The following CATSPERE variants were observed in gnomAD, a reference collection of about 807,000 sequenced individuals.
The protein encoded by CATSPERE is catsper channel auxiliary subunit epsilon.
CATSPERE carries 93 observed loss-of-function variants against 114.1 expected under a neutral mutation model. That is an observed-to-expected ratio of 0.81 (90% CI 0.69 to 0.97). The LOEUF is 0.97. Ranked by LOEUF, CATSPERE falls within the 50% of genes least tolerant of loss-of-function variation. The probability of loss-of-function intolerance (pLI) is 0.00; values close to 1 mark genes in which losing one functional copy is unlikely to be tolerated. For synonymous variants in CATSPERE, 341 were observed against 384.1 expected, an observed-to-expected ratio of 0.89 and a Z score of 1.31; for missense variants, 1,058 against 1,131.6, an observed-to-expected ratio of 0.93 and a Z score of 0.93.
Position 244,560,819 on chromosome 1 carries a change from T to C in CATSPERE, c.1181T>C (p.Val394Ala), listed in dbSNP as rs759408984. Reference sequence around the variant, plus strand: ...ACTGCTACTCTGACCATAGACAGGGTTGAGTATACAGGACACCCTCTGGAG... The same window carrying C: ...ACTGCTACTCTGACCATAGACAGGGCTGAGTATACAGGACACCCTCTGGAG... ...SVTATLTIDR[V>A]EYTGHPLEIA... Residue 394 changes from valine (V) to alanine (A), a missense_variant, in exon 10 of 22, where the codon GTT (valine) becomes GCT (alanine). This residue lies in a region of CATSPERE where 787 missense variants were observed against 905.6 expected (regional missense o/e 0.87). Coordinates refer to ENST00000366534, the MANE Select transcript of CATSPERE (RefSeq NM_001130957.2). 49 of 1,613,914 alleles carry C rather than the reference T, an allele frequency of 3.0e-5. 1 individual carries two copies. In the Admixed American group the frequency reaches 4.2e-4, roughly 14 times the overall value.
intron 17 of CATSPERE, among the ~76,000 whole-genome samples, chr1:244,596,836 T>C (rs371580246): frequency 6.0e-5 from 9 of 150,156 alleles, no homozygotes; most frequent in Admixed American, 1.3e-4. Context: ...AATTGATAGA[T>C]GTGAGTGGTA....
At chr1:244,554,767 C>T (rs1661323978) in intron 9 of CATSPERE, among the ~76,000 whole-genome samples, 1 of 151,748 alleles carries the variant, frequency 6.6e-6, no homozygotes, top group Non-Finnish European at 1.5e-5. Context: ...GGGAATTATC[C>T]CTAACTCATT....
intron 20 of CATSPERE, among the ~76,000 whole-genome samples, chr1:244,627,573 A>T (rs79951235): frequency 7.6e-6 from 1 of 132,138 alleles, no homozygotes. Context: ...AGACCCTGTT[A>T]AAAAAAAAAA....
chr1:244,633,696 T>C lies in CATSPERE; in HGVS notation c.2649-1793T>C, dbSNP rs1168366627. Among the ~76,000 whole-genome samples, 2 of 151,900 alleles carry C rather than the reference T, an allele frequency of 1.3e-5. No individual in the cohort carries two copies. Among genetic ancestry groups the C allele is most frequent in the Non-Finnish European group, 2.9e-5 (2 of 67,972 alleles). ...TACATGCACCAAGATATTTCCTCAT[T>C]ATCCCTTAAACCTCACAAATTCATT... On this transcript the variant is annotated intron_variant, in intron 20 of 21. Coordinates refer to ENST00000366534, the MANE Select transcript of CATSPERE (RefSeq NM_001130957.2). The surrounding 1 kb of genome is among the most constrained non-coding windows in gnomAD (Gnocchi z 4.1).
At position 244,514,155 on chromosome 1, in the gene CATSPERE, A is replaced by G. The variant is rs552392554; in HGVS notation, c.430-4437A>G. On this transcript the variant is annotated intron_variant, in intron 7 of 21. Coordinates refer to ENST00000366534, the MANE Select transcript of CATSPERE (RefSeq NM_001130957.2). ...CTTTTGGTGTCATATCCAAGAAATC[A>G]TTGCCAAATCCAATGTCATGAATAT... Among the ~76,000 whole-genome samples, 7 of 152,270 alleles carry G rather than the reference A, an allele frequency of 4.6e-5. 1 individual carries two copies. The South Asian group carries it at 1.5e-3, about 32-fold the overall frequency.
intron 2 of CATSPERE, among the ~76,000 whole-genome samples, chr1:244,476,129 G>A (rs528992998): frequency 6.6e-6 from 1 of 152,044 alleles, no homozygotes; most frequent in East Asian, 1.9e-4. Context: ...TGCAAATGAT[G>A]TATATATTTT....
rs1665140251 is a variant in CATSPERE at position 244,575,696 on chromosome 1, G to A, written c.1950+2924G>A. On this transcript the variant is annotated intron_variant, in intron 11 of 21. Coordinates refer to ENST00000366534, the MANE Select transcript of CATSPERE (RefSeq NM_001130957.2). The surrounding 1 kb of genome is among the most constrained non-coding windows in gnomAD (Gnocchi z 4.5). Reference sequence around the variant, plus strand: ...TCCTAGTTTCTCTTTCCTCTCTGCTGGTCTTTCCCTTGCCTCTGCCAGCCG... The same window carrying A: ...TCCTAGTTTCTCTTTCCTCTCTGCTAGTCTTTCCCTTGCCTCTGCCAGCCG... Among the ~76,000 whole-genome samples the A allele has an allele frequency of 6.6e-6, 1 of 151,994 alleles. No individual in the cohort carries two copies. The highest frequency in any genetic ancestry group is 1.5e-5 in the Non-Finnish European group (1 of 67,984).
chr1:244,463,433 G>C (rs937343723), intron 1 of CATSPERE, among the ~76,000 whole-genome samples: 1 of 151,906 alleles, frequency 6.6e-6, no homozygotes, highest in African/African-American at 2.4e-5. Flanking sequence ...CCAGCTATTC[G>C]GGAGGCTGAG....
intron 8 of CATSPERE, among the ~76,000 whole-genome samples, chr1:244,535,287 A>T (rs1680212341): frequency 6.6e-6 from 1 of 152,154 alleles, no homozygotes; most frequent in South Asian, 2.1e-4. Context: ...TCAAGGCCCT[A>T]GGGCTCTACA....
At chr1:244,577,791 T>A (rs1665516009) in intron 11 of CATSPERE, among the ~76,000 whole-genome samples, 1 of 152,192 alleles carries the variant, frequency 6.6e-6, no homozygotes, top group African/African-American at 2.4e-5. Context: ...GCACTATCAG[T>A]GTAATAACAT....
rs1484741004 is a variant in CATSPERE, at chr1:244,493,512, G to A, written c.351+3041G>A. Among the ~76,000 whole-genome samples the A allele has an allele frequency of 9.2e-5, 14 of 152,148 alleles. No individual in the cohort carries two copies. The East Asian group carries it at 2.7e-3, about 29-fold the overall frequency. On this transcript the variant is annotated intron_variant, in intron 6 of 21. Coordinates refer to ENST00000366534, the MANE Select transcript of CATSPERE (RefSeq NM_001130957.2). ...CATAAAAACCCTAGAAGAAAACCTAGGCAATACCATTCAGGACATAGGCAT... is the reference window on the plus strand; with the variant it reads ...CATAAAAACCCTAGAAGAAAACCTAAGCAATACCATTCAGGACATAGGCAT...
intron 5 of CATSPERE, among the ~76,000 whole-genome samples, chr1:244,485,174 CT>C (rs1388485073): frequency 2.4e-5 from 3 of 122,852 alleles, no homozygotes; most frequent in Non-Finnish European, 5.4e-5. Context: ...TGTCTTTTTT[CT>C]TTTTCTTTTT....
intron 5 of CATSPERE, among the ~76,000 whole-genome samples, chr1:244,487,852 A>T (rs1671342524): frequency 6.6e-6 from 1 of 152,058 alleles, no homozygotes; most frequent in Non-Finnish European, 1.5e-5. Flanking sequence ...TCATTGTCTC[A>T]TCACACTTCG....
intron 17 of CATSPERE, among the ~76,000 whole-genome samples, chr1:244,593,938 A>T (rs1668050178): frequency 6.6e-6 from 1 of 152,232 alleles, no homozygotes; most frequent in African/African-American, 2.4e-5. Flanking sequence ...CAAGCCAATA[A>T]TAAATGAAAG....
At chr1:244,512,984 C>T (rs1676010630) in intron 7 of CATSPERE, among the ~76,000 whole-genome samples, 1 of 152,180 alleles carries the variant, frequency 6.6e-6, no homozygotes, top group African/African-American at 2.4e-5. Context: ...GCTGGCTAAA[C>T]ATCAGGTTCG....
chr1:244,517,277 T>C (rs1175819215), intron 7 of CATSPERE, among the ~76,000 whole-genome samples: 1 of 151,970 alleles, frequency 6.6e-6, no homozygotes, highest in Non-Finnish European at 1.5e-5. Context: ...TTTCCTACAA[T>C]CTTCTTATAT....
rs760916271 is a variant in CATSPERE at position 244,560,620 on chromosome 1, C to T, written c.1030-48C>T. On this transcript the variant is annotated intron_variant, in intron 9 of 21. Coordinates refer to ENST00000366534, the MANE Select transcript of CATSPERE (RefSeq NM_001130957.2). ...TTTAAAAAAGAGAAATTGTTAGGCC[C>T]GTCTCTAAAATCGAAGATCTTTCTC... 1.2e-5 allele frequency: 13 copies of T among 1,047,794 alleles called. No individual in the cohort carries two copies. In the Middle Eastern group the frequency reaches 1.1e-3, roughly 93 times the overall value. The allele number at this position is 1,047,794 out of a possible 1,614,324, so 64.9% of individuals were successfully genotyped here.
At chr1:244,451,823 C>CA, upstream of CATSPERE, 3 of 1,577,582 alleles carry the variant, frequency 1.9e-6, no homozygotes, top group Non-Finnish European at 2.6e-6. The surrounding 1 kb of genome is among the most constrained non-coding windows in gnomAD (Gnocchi z 6.6). Flanking sequence ...GCCATGGCTC[C>CA]AGTGACGCGA....
intron 8 of CATSPERE, among the ~76,000 whole-genome samples, chr1:244,520,258 C>T (rs1677300555): frequency 6.6e-6 from 1 of 152,124 alleles, no homozygotes; most frequent in Non-Finnish European, 1.5e-5. Context: ...TTCGCTCTTA[C>T]ATTTAAGCCC....
Sources: allele counts gnomAD v4.1 joint callset (sites outside exome capture counted in the v4.1 genomes callset), GRCh38; gene constraint gnomAD v4.1.1; regional missense constraint gnomAD v4.1.1; non-coding constraint Gnocchi (gnomAD v3.1); transcripts MANE v1.5; gene names NCBI Gene and HGNC (gene_info 2026-07-23, HGNC 2026-07-21).